PTPDC1: variants seen among roughly 807,000 people sequenced by gnomAD.
PTPDC1 encodes protein tyrosine phosphatase domain-containing protein 1.
In PTPDC1, 53 loss-of-function variants were observed where a neutral mutation model predicts 75.3. The observed-to-expected ratio is 0.70, with a 90% CI of 0.56 to 0.88. The LOEUF is 0.88. PTPDC1 is among the 40% of genes least tolerant of loss of function. The pLI is 0.00. For missense variants in PTPDC1, 925 were observed against 998.6 expected (o/e 0.93, Z 0.99); for synonymous variants, 349 against 366.2 (o/e 0.95, Z 0.54).
intron 1 of PTPDC1, among the ~76,000 whole-genome samples, chr9:94,060,102 A>G (rs1185664742): frequency 6.6e-6 from 1 of 152,222 alleles, no homozygotes; most frequent in Non-Finnish European, 1.5e-5. Context: ...ACTTATGACA[A>G]AAGGTAAAGG....
At chr9:94,082,397 G>T (rs767691610), upstream of PTPDC1, among the ~76,000 whole-genome samples, 40 of 152,200 alleles carry the variant, frequency 2.6e-4, no homozygotes, top group Non-Finnish European at 5.3e-4. Context: ...CTAGTTCTTG[G>T]TGTTCTAGAT....
At chr9:94,058,093 T>G (rs1826001701) in intron 1 of PTPDC1, among the ~76,000 whole-genome samples, 1 of 152,142 alleles carries the variant, frequency 6.6e-6, no homozygotes, top group Non-Finnish European at 1.5e-5. Context: ...CAGGCTTCAG[T>G]GCAGGGAGGG....
intron 1 of PTPDC1, among the ~76,000 whole-genome samples, chr9:94,061,265 G>A (rs987738307): frequency 6.6e-6 from 1 of 152,182 alleles, no homozygotes; most frequent in African/African-American, 2.4e-5. Context: ...GGCTCCCAAG[G>A]CCTTGGGCAG....
chr9:94,101,903 GA>G (rs1331504590), intron 7 of PTPDC1, 152 bp downstream of exon 7: 5 of 528,280 alleles, frequency 9.5e-6, no homozygotes. Flanking sequence ...AGAAGAAACT[GA>G]TACCCAGTGT....
At chr9:94,058,339 T>C (rs2118480593) in intron 1 of PTPDC1, among the ~76,000 whole-genome samples, 1 of 152,100 alleles carries the variant, frequency 6.6e-6, no homozygotes, top group Middle Eastern at 3.4e-3. Flanking sequence ...AGCAAGTAGG[T>C]AGTATGATTA....
At chr9:94,091,941 AT>A (rs1295304807) in intron 4 of PTPDC1, among the ~76,000 whole-genome samples, 2 of 150,868 alleles carry the variant, frequency 1.3e-5, no homozygotes, top group African/African-American at 4.9e-5. Flanking sequence ...CCCCTTTATC[AT>A]TTTTTATTGC....
intron 1 of PTPDC1, among the ~76,000 whole-genome samples, chr9:94,045,235 G>A (rs1014220754): frequency 9.2e-5 from 14 of 151,862 alleles, no homozygotes; most frequent in Middle Eastern, 6.8e-3. Context: ...TCTTAATCCA[G>A]TCTATCATTG....
intron 2 of PTPDC1, among the ~76,000 whole-genome samples, chr9:94,070,780 A>G (rs1187240683): frequency 6.6e-6 from 1 of 152,168 alleles, no homozygotes; most frequent in Non-Finnish European, 1.5e-5. Flanking sequence ...ACCTTTTAGG[A>G]GTGACTTTTT....
chr9:94,056,067 T>C (rs1468267186), intron 1 of PTPDC1, among the ~76,000 whole-genome samples: 4 of 152,154 alleles, frequency 2.6e-5, no homozygotes, highest in Non-Finnish European at 5.9e-5. Flanking sequence ...CTCTATACCT[T>C]CTGCTCAATT....
chr9:94,081,484 C>A (rs778179889), upstream of PTPDC1, among the ~76,000 whole-genome samples: 37 of 152,038 alleles, frequency 2.4e-4, no homozygotes, highest in Non-Finnish European at 2.9e-4. Context: ...GCTATGATCA[C>A]GTCACTGCTC....
intron 1 of PTPDC1, among the ~76,000 whole-genome samples, chr9:94,046,193 C>T (rs1345938400): frequency 6.6e-6 from 1 of 152,092 alleles, no homozygotes; most frequent in Non-Finnish European, 1.5e-5. Context: ...TGTTCTGTTC[C>T]ATTGGTCTAT....
intron 1 of PTPDC1, among the ~76,000 whole-genome samples, chr9:94,035,324 T>C (rs1484263762): frequency 6.6e-6 from 1 of 152,242 alleles, no homozygotes; most frequent in African/African-American, 2.4e-5. Context: ...TTCATCTTCC[T>C]ATTCCTCCCA....
intron 6 of PTPDC1, 22 bp downstream of exon 6, chr9:94,098,601 A>G: frequency 6.4e-7 from 1 of 1,561,812 alleles, no homozygotes; most frequent in South Asian, 1.1e-5. Flanking sequence ...ACTTAATTTA[A>G]TTATAGATAT....
At chr9:94,052,034 A>G (rs1053714494) in intron 1 of PTPDC1, among the ~76,000 whole-genome samples, 19 of 152,130 alleles carry the variant, frequency 1.2e-4, no homozygotes, top group Admixed American at 1.2e-3. Context: ...GGCATCCCAT[A>G]AATTTTGATG....
chr9:94,043,771 A>G (rs1304438675), intron 1 of PTPDC1, among the ~76,000 whole-genome samples: 2 of 152,108 alleles, frequency 1.3e-5, no homozygotes, highest in African/African-American at 2.4e-5. Flanking sequence ...CTTTTCTCCT[A>G]TATTTTTTTC....
intron 1 of PTPDC1, among the ~76,000 whole-genome samples, chr9:94,048,538 GT>G (rs1166051590): frequency 6.6e-6 from 1 of 152,146 alleles, no homozygotes; most frequent in Admixed American, 6.5e-5. Context: ...TTAATCCTGA[GT>G]TCTATTTTGA....
At chr9:94,101,392 C>G in intron 6 of PTPDC1, 174 bp from the exon 7 acceptor site, 1 of 495,732 alleles carries the variant, frequency 2.0e-6, no homozygotes, top group East Asian at 3.1e-5. Context: ...GTGTCTTAGT[C>G]CAGTGTCCAG....
Position 94,051,289 on chromosome 9 carries a change from G to A in PTPDC1, c.-6-13445G>A, listed in dbSNP as rs147007307. Among the ~76,000 whole-genome samples the A allele has an allele frequency of 3.1e-3, 469 of 152,224 alleles. 4 individuals carry two copies. The highest frequency in any genetic ancestry group is 0.011 in the African/African-American group (443 of 41,524). On this transcript the variant is annotated intron_variant, in intron 1 of 9. Transcript: ENST00000375360. ...TCAGTTGGAAATGCAGAAATCACCC[G>A]TCTTCTGTGTTGCTCATGCTGGGAG...
In PTPDC1 at chr9:94,109,299, A is replaced by G. The variant is rs888562432; in HGVS notation, c.*1355A>G. Reference sequence around the variant, plus strand: ...TAAAGAAGTTACTGCTTAAAGACGGAATTTCAGGGGAAGCAAGACTCATTT... The same window carrying G: ...TAAAGAAGTTACTGCTTAAAGACGGGATTTCAGGGGAAGCAAGACTCATTT... On this transcript the variant is annotated 3_prime_UTR_variant, in exon 9 of 9. Coordinates refer to ENST00000620992, the MANE Select transcript of PTPDC1 (RefSeq NM_001253829.2). The G allele has an allele frequency of 4.6e-5, 7 of 152,218 alleles. No individual in the cohort carries two copies. Among genetic ancestry groups the G allele is most frequent in the African/African-American group, 1.7e-4 (7 of 41,466 alleles). The allele number at this position is 152,218 out of a possible 1,614,324, so 9.4% of individuals were successfully genotyped here. A position where few individuals can be genotyped will look rare whatever the true frequency, so the allele number is the denominator to read the frequency against.
Sources: allele counts gnomAD v4.1 joint callset (sites outside exome capture counted in the v4.1 genomes callset), GRCh38; gene constraint gnomAD v4.1.1; transcripts MANE v1.5; gene names NCBI Gene and HGNC (gene_info 2026-07-23, HGNC 2026-07-21).